The following GATA5 variants were observed in gnomAD, a reference collection of about 807,000 sequenced individuals.
The protein encoded by GATA5 is GATA binding protein 5, also known as transcription factor GATA-5.
A neutral mutation model predicts 35.0 loss-of-function variants in GATA5; 27 were observed. That is an observed-to-expected ratio of 0.77 (90% CI 0.57 to 1.06). GATA5 has a LOEUF of 1.06. GATA5 is among the 50% of genes least tolerant of loss of function. GATA5 has a pLI of 0.00. For synonymous variants in GATA5, 306 were observed against 267.8 expected (o/e 1.14, Z -1.39); for missense variants, 612 against 580.0 (o/e 1.06, Z -0.57).
chr20:62,464,837 T>C lies in GATA5; in HGVS notation c.1193A>G (p.Ter398TrpextTer122). Residue 398 changes from the stop codon to tryptophan (W), a stop_lost, in exon 7 of 7, where the codon TAG becomes TGG. Transcript: ENST00000252997. Reference sequence around the variant, plus strand: ...CCTGACATGGGCTGGCCTGGGGACCTAGGCCAAGGCCAGCGCACACCAGGC... The same window carrying C: ...CCTGACATGGGCTGGCCTGGGGACCCAGGCCAAGGCCAGCGCACACCAGGC... ...QEAWCALALA[*>W] The C allele has an allele frequency of 6.3e-7, 1 of 1,590,622 alleles. No individual in the cohort carries two copies. Among genetic ancestry groups the C allele is most frequent in the Non-Finnish European group, 8.6e-7 (1 of 1,167,230 alleles).
chr20:62,474,595 A>C (rs1385641849), intron 2 of GATA5, among the ~76,000 whole-genome samples: 1 of 152,252 alleles, frequency 6.6e-6, no homozygotes, highest in Non-Finnish European at 1.5e-5. Flanking sequence ...GAAGCGACTG[A>C]AACCAGGTCT....
chr20:62,464,113 AGAAATGGTCAT>A lies in GATA5; in HGVS notation c.*712_*722del, dbSNP rs145787138. The A allele has an allele frequency of 0.027, 4,052 of 152,396 alleles. 86 individuals are homozygous for A. Among genetic ancestry groups the A allele is most frequent in the Non-Finnish European group, 0.038 (2,580 of 68,044 alleles). 9.4% of individuals were successfully genotyped at this position (152,396 alleles called of 1,614,324 possible). A position where few individuals can be genotyped will look rare whatever the true frequency, so the allele number is the denominator to read the frequency against. ...TACCAGACAATTCATTCTGCCTGTC[AGAAATGGTCAT>A]GATACACAGATTCAGCTAGAACAAG... is the stretch of plus-strand genomic sequence containing the variant. On this transcript the variant is annotated 3_prime_UTR_variant, in exon 7 of 7. Coordinates refer to ENST00000252997, the MANE Select transcript of GATA5 (RefSeq NM_080473.5).
rs537943787 is a variant in GATA5, at chr20:62,473,661, C to T, written c.524-83G>A. 2.5e-5 allele frequency: 34 copies of T among 1,364,834 alleles called. No homozygotes were observed. The South Asian group carries it at 3.7e-4, about 15-fold the overall frequency. 84.5% of individuals were successfully genotyped at this position (1,364,834 alleles called of 1,614,324 possible). A position where few individuals can be genotyped will look rare whatever the true frequency, so the allele number is the denominator to read the frequency against. ...CTCATGGGCCGGCACCCTCCCCTCC[C>T]CAGGAGCCTGGCGGCTTTCGTCAGA... is the stretch of plus-strand genomic sequence containing the variant. On this transcript the variant is annotated intron_variant, in intron 2 of 6. Transcript: ENST00000252997.
intron 2 of GATA5, among the ~76,000 whole-genome samples, chr20:62,474,714 A>G (rs571635282): frequency 6.6e-6 from 1 of 152,274 alleles, no homozygotes; most frequent in Non-Finnish European, 1.5e-5. Context: ...AAAAACAAAA[A>G]CAAAAACGAT....
At chr20:62,468,165 C>T (rs968530215) in intron 3 of GATA5, among the ~76,000 whole-genome samples, 30 of 150,778 alleles carry the variant, frequency 2.0e-4, no homozygotes, top group Non-Finnish European at 4.0e-4. Context: ...CAGCCTGCCT[C>T]GGTTTCCCCA....
chr20:62,465,839 G>C lies in GATA5; in HGVS notation c.908C>G (p.Ser303Cys). The change falls in exon 5 of 7, where the codon TCC becomes TGC. Residue 303 changes from serine (S) to cysteine (C), a missense_variant. Transcript: ENST00000252997. ...KPKTIAKARG[S>C]SGSTRNASAS... ...TGCAGGGCCTGGCCACGCACCTGAG[G>C]AGCCCCTGGCCTTGGCGATGGTCTT... The C allele has an allele frequency of 6.3e-6, 10 of 1,586,214 alleles. No individual in the cohort carries two copies. The highest frequency in any genetic ancestry group is 8.6e-6 in the Non-Finnish European group (10 of 1,165,722).
chr20:62,475,148 T>A lies in GATA5; in HGVS notation c.374A>T (p.Gln125Leu), dbSNP rs1293255615. ...CGGCCGCCCAAGCGGGGCCGCGAAC[T>A]GTTCTCGAGGCAACAGCGCGCCCTG... is the stretch of plus-strand genomic sequence containing the variant. The part of the protein sequence containing the change: ...AYQGALLPRE[Q>L]FAAPLGRPVG... Residue 125 changes from glutamine (Q) to leucine (L), a missense_variant, in exon 2 of 7, where the codon CAG (glutamine) becomes CTG (leucine). By Grantham distance (113) the Gln-to-Leu change is moderately radical. Transcript: ENST00000252997. The A allele has an allele frequency of 7.5e-7, 1 of 1,337,210 alleles. No homozygotes were observed. The highest frequency in any genetic ancestry group is 1.5e-5 in the African/African-American group (1 of 65,342). 82.8% of individuals were successfully genotyped at this position (1,337,210 alleles called of 1,614,324 possible).
intron 3 of GATA5, among the ~76,000 whole-genome samples, chr20:62,468,740 C>A (rs909119310): frequency 1.3e-4 from 20 of 152,264 alleles, no homozygotes; most frequent in Non-Finnish European, 2.8e-4. Context: ...CAGCATCCAG[C>A]CACTCAGGGT....
intron 3 of GATA5, among the ~76,000 whole-genome samples, chr20:62,471,396 T>C (rs1489448466): frequency 2.0e-5 from 3 of 150,082 alleles, no homozygotes; most frequent in African/African-American, 7.4e-5. Flanking sequence ...TAACTTAAAA[T>C]GTAATTAAAT....
At position 62,465,010 on chromosome 20, in the gene GATA5, G is replaced by T; in HGVS notation, c.1039-19C>A. 8.4e-7 allele frequency: 1 copy of T among 1,191,092 alleles called. No individual in the cohort carries two copies. The allele number at this position is 1,191,092 out of a possible 1,614,324, so 73.8% of individuals were successfully genotyped here. ...CAGAGGCCTGCAGGGACAGGAGAGC[G>T]TGAGAATGTGGGGTGGGGCGTGGGG... On this transcript the variant is annotated intron_variant, in intron 6 of 6. Coordinates refer to ENST00000252997, the MANE Select transcript of GATA5 (RefSeq NM_080473.5).
intron 2 of GATA5, among the ~76,000 whole-genome samples, chr20:62,474,453 G>C (rs1252138019): frequency 6.6e-6 from 1 of 152,258 alleles, no homozygotes; most frequent in Non-Finnish European, 1.5e-5. Context: ...AGGCCTCCAA[G>C]GTCCCGGAGG....
At chr20:62,466,359 G>A (rs1989586680) in intron 4 of GATA5, 67 bp downstream of exon 4, 3 of 1,487,044 alleles carry the variant, frequency 2.0e-6, no homozygotes, top group African/African-American at 1.4e-5. Flanking sequence ...TGGTCTGAGA[G>A]TGCGGACGGC....
At chr20:62,466,668 TGA>T (rs1989600879) in intron 3 of GATA5, 117 bp from the exon 4 acceptor site, 1 of 1,227,828 alleles carries the variant, frequency 8.1e-7, no homozygotes, top group Non-Finnish European at 1.1e-6. Flanking sequence ...GAGAAGGTCG[TGA>T]GCTCTGCAAT....
chr20:62,472,678 G>A (rs1555896683), intron 3 of GATA5, among the ~76,000 whole-genome samples: 1 of 152,234 alleles, frequency 6.6e-6, no homozygotes, highest in Non-Finnish European at 1.5e-5. Context: ...GGTTTGCCTG[G>A]GGAAACGTAT....
intron 6 of GATA5, 67 bp downstream of exon 6, chr20:62,465,273 A>T: frequency 6.6e-7 from 1 of 1,507,098 alleles, no homozygotes; most frequent in Non-Finnish European, 8.9e-7. Context: ...CTCTGATGGG[A>T]TCTGACTTGG....
In GATA5 at chr20:62,465,466, T is replaced by C; in HGVS notation, c.914-2A>G. On this transcript the variant is annotated splice_acceptor_variant, in intron 5 of 6. Transcript: ENST00000252997. LOFTEE classifies it high-confidence loss of function. ...AGGCCGAGGCATTCCTTGTGGATCC[T>C]GGAAGCGAAGAGGGGGTGTTTACAG... 1.2e-6 allele frequency: 2 copies of C among 1,606,026 alleles called. No homozygotes were observed. Among genetic ancestry groups the C allele is most frequent in the Non-Finnish European group, 1.7e-6 (2 of 1,178,820 alleles).
In GATA5 at chr20:62,464,485, A is replaced by G. The variant is rs919363634; in HGVS notation, c.*351T>C. 5.4e-6 allele frequency: 1 copy of G among 183,630 alleles called. No individual in the cohort carries two copies. Among genetic ancestry groups the G allele is most frequent in the African/African-American group, 2.4e-5 (1 of 42,498 alleles). The allele number at this position is 183,630 out of a possible 1,614,324, so 11.4% of individuals were successfully genotyped here. ...CCCCCAACTGCTACAACTTGTAAACATATTGACGGTGAGCATTGATGACGG... is the reference window on the plus strand; with the variant it reads ...CCCCCAACTGCTACAACTTGTAAACGTATTGACGGTGAGCATTGATGACGG... On this transcript the variant is annotated 3_prime_UTR_variant, in exon 7 of 7. Transcript: ENST00000252997.
In GATA5 at chr20:62,466,012, C is replaced by T. The variant is rs184253784; in HGVS notation, c.826-91G>A. ...CCCCCTCATTCCAGCCCCCCAGAGC[C>T]GGTCACTCCTGGAGCTGGCTGTGTC... On this transcript the variant is annotated intron_variant, in intron 4 of 6. Transcript: ENST00000252997. 125 of 934,702 alleles carry T rather than the reference C, an allele frequency of 1.3e-4. No homozygotes were observed. The East Asian group carries it at 2.0e-3, about 15-fold the overall frequency. 57.9% of individuals were successfully genotyped at this position (934,702 alleles called of 1,614,324 possible).
At chr20:62,469,505 C>T (rs1268432177) in intron 3 of GATA5, among the ~76,000 whole-genome samples, 3 of 152,208 alleles carry the variant, frequency 2.0e-5, no homozygotes, top group African/African-American at 7.2e-5. Flanking sequence ...CACACGTCCC[C>T]GCACAGCTGC....
Sources: gnomAD v4.1 joint callset for allele counts (sites outside exome capture counted in the v4.1 genomes callset) on GRCh38, gnomAD v4.1.1 for gene constraint, MANE v1.5 for transcripts, NCBI Gene and HGNC (gene_info 2026-07-23, HGNC 2026-07-21) for gene names.